Variants in PSD3 observed in about 807,000 individuals in gnomAD.
The protein encoded by PSD3 is PH and SEC7 domain-containing protein 3.
PSD3 carries 49 observed loss-of-function variants against 105.5 expected under a neutral mutation model. The observed-to-expected ratio is 0.46, with a 90% CI of 0.37 to 0.59. PSD3 has a LOEUF of 0.59. Ranked by LOEUF, PSD3 falls within the 20% of genes least tolerant of loss-of-function variation. The probability of loss-of-function intolerance (pLI) is 0.00; values close to 1 mark genes in which losing one functional copy is unlikely to be tolerated. For missense variants in PSD3, 1,561 were observed against 1,263.8 expected (o/e 1.24, Z -3.57); for synonymous variants, 557 against 457.8 (o/e 1.22, Z -2.77).
At chr8:18,659,874 T>C (rs572599778) in intron 9 of PSD3, among the ~76,000 whole-genome samples, 1 of 152,104 alleles carries the variant, frequency 6.6e-6, no homozygotes, top group Non-Finnish European at 1.5e-5. Flanking sequence ...ATGTGAGGGG[T>C]TATCTGGCCT....
chr8:18,834,099 A>G (rs1813900839), intron 4 of PSD3, among the ~76,000 whole-genome samples: 1 of 152,242 alleles, frequency 6.6e-6, no homozygotes, highest in Non-Finnish European at 1.5e-5. Context: ...AACATTGTAA[A>G]GATGTTTCTC....
intron 11 of PSD3, among the ~76,000 whole-genome samples, chr8:18,625,245 T>C (rs1392542813): frequency 6.6e-6 from 1 of 151,758 alleles, no homozygotes; most frequent in East Asian, 1.9e-4. Context: ...ACGGAAGAAT[T>C]TTTGCTTCTA....
At chr8:18,553,969 G>A (rs573292093) in intron 15 of PSD3, among the ~76,000 whole-genome samples, 6 of 152,206 alleles carry the variant, frequency 3.9e-5, no homozygotes, top group East Asian at 3.9e-4. Context: ...CTGAGGTGAC[G>A]ATTTGATGAA....
intron 12 of PSD3, among the ~76,000 whole-genome samples, chr8:18,594,105 C>T (rs1169789229): frequency 1.7e-5 from 2 of 115,472 alleles, no homozygotes; most frequent in Non-Finnish European, 3.3e-5. Flanking sequence ...CATATGTACC[C>T]TAGAACTTAA....
chr8:18,929,944 T>C (rs987400240), intron 2 of PSD3, among the ~76,000 whole-genome samples: 2 of 152,144 alleles, frequency 1.3e-5, no homozygotes, highest in African/African-American at 2.4e-5. Context: ...AATAAAACTA[T>C]AAAAATGTTG....
intron 2 of PSD3, among the ~76,000 whole-genome samples, chr8:18,895,336 G>C (rs540421061): frequency 6.6e-6 from 1 of 152,162 alleles, no homozygotes. Context: ...TCCTATTTCA[G>C]ATGCATCATT....
At position 18,815,252 on chromosome 8, in the gene PSD3, T is replaced by C. The variant is rs534464166; in HGVS notation, c.1635-10354A>G. On this transcript the variant is annotated intron_variant, in intron 4 of 15. Transcript: ENST00000327040. ...AAATATTTTCTATGGTTATATAATG[T>C]CCAAATTTTACCATCTCTATTGGTA... 3.3e-5 allele frequency among the ~76,000 whole-genome samples: 5 copies of C among 152,274 alleles called. No individual in the cohort carries two copies. The East Asian group carries it at 9.6e-4, about 29-fold the overall frequency.
intron 1 of PSD3, among the ~76,000 whole-genome samples, chr8:19,051,101 C>G (rs1207353973): frequency 6.6e-6 from 1 of 152,160 alleles, no homozygotes; most frequent in Non-Finnish European, 1.5e-5. Context: ...GGGTGCACAT[C>G]TGATCATGTC....
chr8:18,655,147 C>G (rs1330346165), intron 10 of PSD3, among the ~76,000 whole-genome samples: 1 of 151,548 alleles, frequency 6.6e-6, no homozygotes, highest in Non-Finnish European at 1.5e-5. Context: ...CACTGTGAAA[C>G]CCCGTCTCTA....
intron 4 of PSD3, among the ~76,000 whole-genome samples, chr8:18,834,934 G>A (rs983829035): frequency 3.9e-5 from 6 of 151,952 alleles, no homozygotes; most frequent in African/African-American, 7.3e-5. Context: ...CAAGCAATTC[G>A]TAAAAAAAGG....
chr8:18,821,130 C>G (rs966667466), intron 4 of PSD3, among the ~76,000 whole-genome samples: 2 of 151,142 alleles, frequency 1.3e-5, no homozygotes, highest in African/African-American at 4.9e-5. Context: ...ACAATGACGG[C>G]ATAAAAATTC....
chr8:18,684,478 C>T (rs757554891), intron 9 of PSD3, among the ~76,000 whole-genome samples: 36 of 152,070 alleles, frequency 2.4e-4, no homozygotes, highest in South Asian at 8.3e-4. Context: ...TATGGATGGA[C>T]GTCAAAAGGC....
chr8:18,999,686 A>G (rs1826271382), intron 1 of PSD3, among the ~76,000 whole-genome samples: 1 of 151,872 alleles, frequency 6.6e-6, no homozygotes, highest in Non-Finnish European at 1.5e-5. Flanking sequence ...AAAACTTTAC[A>G]AAATATTTAT....
In PSD3 at chr8:18,936,186, T is replaced by TA. The variant is rs750057377; in HGVS notation, c.22-45_22-44insT. 51 of 1,306,476 alleles carry TA rather than the reference T, an allele frequency of 3.9e-5. No homozygotes were observed. The East Asian group carries it at 5.3e-4, about 14-fold the overall frequency. The allele number at this position is 1,306,476 out of a possible 1,614,324, so 80.9% of individuals were successfully genotyped here. On this transcript the variant is annotated intron_variant, in intron 1 of 15. Transcript: ENST00000327040. Reference sequence around the variant, plus strand: ...ACAAAGACACATTTAAAATACATCATTAAAAAACACATCATAAAACAAATT... The same window carrying TA: ...ACAAAGACACATTTAAAATACATCATATAAAAAACACATCATAAAACAAATT...
rs376813047 is a variant in PSD3, at chr8:18,871,867, C to G, written c.997G>C (p.Asp333His). The stretch of plus-strand genomic sequence containing the variant: ...GGCACTTTGGAAGACTCTTTGCTGT[C>G]AGGAGAGGCTGTTCTTTGCAGTGAT... Reference protein sequence around the residue: ...ETSLQRTASPDSKESSKVPRH... With the variant: ...ETSLQRTASPHSKESSKVPRH... The change falls in exon 3 of 16, where the codon GAC becomes CAC. Residue 333 changes from aspartate to histidine, a missense_variant. Asp to His is a moderately conservative substitution (Grantham distance 81, BLOSUM62 -1). Transcript: ENST00000327040. 1 of 1,614,198 alleles carries G rather than the reference C, an allele frequency of 6.2e-7. No individual in the cohort carries two copies. Among genetic ancestry groups the G allele is most frequent in the Non-Finnish European group, 8.5e-7 (1 of 1,180,018 alleles).
intron 11 of PSD3, among the ~76,000 whole-genome samples, chr8:18,617,766 C>G (rs904429197): frequency 6.6e-6 from 1 of 152,048 alleles, no homozygotes; most frequent in African/African-American, 2.4e-5. Context: ...AATGGAGATC[C>G]CGACACTGAC....
At chr8:18,985,161 T>G (rs1182261784) in intron 1 of PSD3, among the ~76,000 whole-genome samples, 1 of 152,168 alleles carries the variant, frequency 6.6e-6, no homozygotes, top group Non-Finnish European at 1.5e-5. Flanking sequence ...CTCGAATTCC[T>G]GAGCTCAAAT....
intron 9 of PSD3, among the ~76,000 whole-genome samples, chr8:18,672,497 A>ACC (rs1799839506): frequency 1.3e-5 from 2 of 152,228 alleles, no homozygotes; most frequent in African/African-American, 4.8e-5. Flanking sequence ...AACAAATTAA[A>ACC]TAATCTCACC....
At chr8:18,823,780 TCACA>T (rs3042864) in intron 4 of PSD3, among the ~76,000 whole-genome samples, 72 of 66,116 alleles carry the variant, frequency 1.1e-3, no homozygotes, top group South Asian at 4.3e-3. Context: ...TTAAACACAC[TCACA>T]CACACACACA....
Sources: gnomAD v4.1 joint callset for allele counts (sites outside exome capture counted in the v4.1 genomes callset) on GRCh38, gnomAD v4.1.1 for gene constraint, MANE v1.5 for transcripts, NCBI Gene and HGNC (gene_info 2026-07-23, HGNC 2026-07-21) for gene names.